The following MYO3A variants were observed in gnomAD, a reference collection of about 807,000 sequenced individuals.
MYO3A encodes myosin-IIIa.
In MYO3A, 180 loss-of-function variants were observed where a neutral mutation model predicts 192.7. The ratio of observed to expected loss-of-function variants is 0.93; its 90% CI spans 0.83 to 1.06. The LOEUF (loss-of-function observed/expected upper bound fraction) is 1.06, where lower values mean the gene tolerates loss of function less well. MYO3A is among the 50% of genes least tolerant of loss of function. The pLI is 0.00. For missense variants in MYO3A, 1,896 were observed against 1,905.0 expected (o/e 1.00, Z 0.09); for synonymous variants, 628 against 645.3 (o/e 0.97, Z 0.41).
chr10:26,041,554 A>G (rs1403232462), intron 10 of MYO3A, among the ~76,000 whole-genome samples: 1 of 150,558 alleles, frequency 6.6e-6, no homozygotes, highest in Admixed American at 6.6e-5. Flanking sequence ...CTCTGGTGGT[A>G]TGATTTAATT....
chr10:26,168,686 C>T, intron 27 of MYO3A, 26 bp from the exon 28 acceptor site: 1 of 1,603,280 alleles, frequency 6.2e-7, no homozygotes, highest in Non-Finnish European at 8.5e-7. Context: ...TGCCATGGTT[C>T]TTTGTATTAT....
chr10:25,985,531 A>G (rs1839600334), intron 4 of MYO3A, among the ~76,000 whole-genome samples: 1 of 152,220 alleles, frequency 6.6e-6, no homozygotes, highest in Non-Finnish European at 1.5e-5. Flanking sequence ...GATACCAGAG[A>G]AATACAAAAG....
At chr10:26,089,205 G>A (rs539333583) in intron 15 of MYO3A, among the ~76,000 whole-genome samples, 45 of 152,240 alleles carry the variant, frequency 3.0e-4, no homozygotes, top group Admixed American at 3.9e-4. Flanking sequence ...TAATGTAAGT[G>A]CCTTCAAGCT....
At chr10:26,031,400 G>A (rs77080902) in intron 10 of MYO3A, among the ~76,000 whole-genome samples, 8 of 152,110 alleles carry the variant, frequency 5.3e-5, no homozygotes, top group African/African-American at 1.2e-4. Context: ...CAAAATATTC[G>A]TAAACTGACT....
In MYO3A at chr10:26,045,366, T is replaced by TTAGATAGA. The variant is rs3057671; in HGVS notation, c.953+18877_953+18884dup. On this transcript the variant is annotated intron_variant, in intron 10 of 34. Transcript: ENST00000642920. The stretch of plus-strand genomic sequence containing the variant: ...GTACCCCTAACTTGTATGGGTGGCA[T>TTAGATAGA]TAGATAGATAGATAGATAGATAGAT... Among the ~76,000 whole-genome samples the TTAGATAGA allele has an allele frequency of 4.5e-3, 643 of 142,702 alleles. 3 individuals carry two copies. The highest frequency in any genetic ancestry group is 6.8e-3 in the African/African-American group (265 of 38,962). 93.6% of individuals were successfully genotyped at this position (142,702 alleles called of 152,430 possible).
chr10:26,093,809 G>A (rs1486074046), intron 15 of MYO3A, among the ~76,000 whole-genome samples: 1 of 151,830 alleles, frequency 6.6e-6, no homozygotes, highest in Non-Finnish European at 1.5e-5. Flanking sequence ...TTTTAAAATT[G>A]CCAACTACCT....
chr10:26,103,500 C>A (rs984976636), intron 17 of MYO3A, among the ~76,000 whole-genome samples: 1 of 152,128 alleles, frequency 6.6e-6, no homozygotes, highest in Non-Finnish European at 1.5e-5. Flanking sequence ...TGTTCCTATT[C>A]GGCCATCTTG....
intron 23 of MYO3A, among the ~76,000 whole-genome samples, chr10:26,151,355 G>A (rs1840778970): frequency 6.6e-6 from 1 of 151,598 alleles, no homozygotes; most frequent in Non-Finnish European, 1.5e-5. Flanking sequence ...ATATTATTAG[G>A]TAAATAAACA....
intron 15 of MYO3A, among the ~76,000 whole-genome samples, chr10:26,090,319 G>A (rs1386007529): frequency 6.6e-6 from 1 of 152,194 alleles, no homozygotes; most frequent in Non-Finnish European, 1.5e-5. Context: ...ATGAGGCCCT[G>A]AGCTTGTAAC....
At position 26,171,652 on chromosome 10, in the gene MYO3A, G is replaced by A. The variant is rs568511354; in HGVS notation, c.3398+1113G>A. ...TGTCTTTGCTTGTGAGGATCCAAAT[G>A]ATTTGTTTCTCTTTGTTACTGGCGA... On this transcript the variant is annotated intron_variant, in intron 29 of 34. Coordinates refer to ENST00000642920, the MANE Select transcript of MYO3A (RefSeq NM_017433.5). Among the ~76,000 whole-genome samples, 8 of 152,224 alleles carry A rather than the reference G, an allele frequency of 5.3e-5. No homozygotes were observed. The South Asian group carries it at 1.7e-3, about 32-fold the overall frequency.
At position 26,026,483 on chromosome 10, in the gene MYO3A, A is replaced by G; in HGVS notation, c.904A>G (p.Thr302Ala). 6.2e-7 allele frequency: 1 copy of G among 1,614,174 alleles called. No homozygotes were observed. Among genetic ancestry groups the G allele is most frequent in the Non-Finnish European group, 8.5e-7 (1 of 1,180,012 alleles). The change falls in exon 10 of 35, where the codon ACG becomes GCG. Residue 302 changes from threonine (T) to alanine (A), a missense_variant. Coordinates refer to ENST00000642920, the MANE Select transcript of MYO3A (RefSeq NM_017433.5). ...AGATGTGATGCTACAAAAACAACTA[A>G]CGGAATTCATTGGCATCCATCAATG... ...GKDVMLQKQL[T>A]EFIGIHQCMG...
chr10:25,937,743 C>T (rs908507018), intron 2 of MYO3A, among the ~76,000 whole-genome samples: 1 of 152,058 alleles, frequency 6.6e-6, no homozygotes, highest in Non-Finnish European at 1.5e-5. Context: ...TGGTGGAGAA[C>T]GGAATACAAA....
intron 2 of MYO3A, among the ~76,000 whole-genome samples, chr10:25,937,778 G>C (rs969823942): frequency 6.6e-6 from 1 of 152,158 alleles, no homozygotes; most frequent in Admixed American, 6.5e-5. Context: ...AGTAGATTTT[G>C]TATTTCCTCT....
Position 26,121,516 on chromosome 10 carries a change from G to A in MYO3A, c.1903+714G>A, listed in dbSNP as rs540648779. On this transcript the variant is annotated intron_variant, in intron 18 of 34. Coordinates refer to ENST00000642920, the MANE Select transcript of MYO3A (RefSeq NM_017433.5). ...TCTAATCCCAGTACTTTGGGAGGCC[G>A]AAGCTGGTGGATCACCTGAGGTCAG... 8.5e-5 allele frequency among the ~76,000 whole-genome samples: 13 copies of A among 152,238 alleles called. No homozygotes were observed. The South Asian group carries it at 1.9e-3, about 22-fold the overall frequency.
intron 10 of MYO3A, among the ~76,000 whole-genome samples, chr10:26,062,530 A>AACG (rs1554816582): frequency 2.4e-5 from 3 of 125,946 alleles, no homozygotes; most frequent in Non-Finnish European, 3.4e-5. Flanking sequence ...AAAAAAAAAA[A>AACG]AAATTATGGA....
At chr10:25,962,243 T>C (rs955535773) in intron 4 of MYO3A, among the ~76,000 whole-genome samples, 1 of 152,156 alleles carries the variant, frequency 6.6e-6, no homozygotes, top group Non-Finnish European at 1.5e-5. Flanking sequence ...CTCTTTTATT[T>C]ATTTTACCCT....
chr10:25,976,920 T>C (rs1472096624), intron 4 of MYO3A, among the ~76,000 whole-genome samples: 1 of 152,200 alleles, frequency 6.6e-6, no homozygotes, highest in Middle Eastern at 3.2e-3. Context: ...TTTTATTATC[T>C]GTTGCCTAAT....
chr10:26,108,848 C>A (rs1049089898), intron 17 of MYO3A, among the ~76,000 whole-genome samples: 8 of 152,166 alleles, frequency 5.3e-5, no homozygotes, highest in African/African-American at 1.7e-4. Context: ...TCTTTACCAA[C>A]TGGGTGAGGT....
At chr10:25,963,464 C>A (rs1396950059) in intron 4 of MYO3A, among the ~76,000 whole-genome samples, 2 of 152,062 alleles carry the variant, frequency 1.3e-5, no homozygotes, top group Non-Finnish European at 2.9e-5. Context: ...AGCTATTAAC[C>A]CTTTAATGCT....
Sources: gnomAD v4.1 joint callset for allele counts (sites outside exome capture counted in the v4.1 genomes callset) on GRCh38, gnomAD v4.1.1 for gene constraint, MANE v1.5 for transcripts, NCBI Gene and HGNC (gene_info 2026-07-23, HGNC 2026-07-21) for gene names.